The following COL24A1 variants were observed in gnomAD, a reference collection of about 807,000 sequenced individuals.
COL24A1 encodes collagen alpha-1(XXIV) chain.
Under a neutral mutation model 253.9 loss-of-function variants are expected in COL24A1, and 224 were observed. That is an observed-to-expected ratio of 0.88 (90% CI 0.79 to 0.99). The LOEUF (loss-of-function observed/expected upper bound fraction) is 0.99, where lower values mean the gene tolerates loss of function less well. COL24A1 is among the 50% of genes least tolerant of loss of function. The probability of loss-of-function intolerance (pLI) is 0.00; values close to 1 mark genes in which losing one functional copy is unlikely to be tolerated. For missense variants in COL24A1, 2,131 were observed against 2,068.5 expected (o/e 1.03, Z -0.59); for synonymous variants, 685 against 673.7 (o/e 1.02, Z -0.26).
At chr1:85,987,366 CA>C (rs1253753692) in intron 20 of COL24A1, among the ~76,000 whole-genome samples, 1 of 151,538 alleles carries the variant, frequency 6.6e-6, no homozygotes, top group Non-Finnish European at 1.5e-5. Context: ...TCATCTCTTC[CA>C]AAAAAATCCT....
rs1648148642 is a variant in COL24A1, at chr1:86,125,618, G to C, written c.718C>G (p.Gln240Glu). Residue 240 changes from glutamine (Q) to glutamate (E), a missense_variant, in exon 3 of 60, where the codon CAG becomes GAG. Transcript: ENST00000370571. The stretch of plus-strand genomic sequence containing the variant: ...TATTTGTCTGCTTGGCGACACTGCT[G>C]TTTCACATATCTGCAGTAGTCTGCA... The part of the protein sequence containing the change: ...ASADYCRYVK[Q>E]QCRQADKYQP... 2 of 1,613,088 alleles carry C rather than the reference G, an allele frequency of 1.2e-6. No homozygotes were observed. The highest frequency in any genetic ancestry group is 1.7e-6 in the Non-Finnish European group (2 of 1,179,586).
intron 2 of COL24A1, among the ~76,000 whole-genome samples, chr1:86,144,589 A>G (rs1651615907): frequency 6.6e-6 from 1 of 152,132 alleles, no homozygotes; most frequent in Admixed American, 6.5e-5. Flanking sequence ...TACCAGCAAA[A>G]GAGATGATAC....
chr1:86,064,253 A>C (rs1324799838), intron 7 of COL24A1, among the ~76,000 whole-genome samples: 1 of 152,186 alleles, frequency 6.6e-6, no homozygotes, highest in East Asian at 1.9e-4. Flanking sequence ...AGGTAACTCA[A>C]AAAATCATGA....
At chr1:86,047,866 T>A (rs923572307) in intron 11 of COL24A1, among the ~76,000 whole-genome samples, 4 of 152,124 alleles carry the variant, frequency 2.6e-5, no homozygotes, top group Non-Finnish European at 4.4e-5. Flanking sequence ...ATTTGCAGAC[T>A]AAGCAGTCTG....
At chr1:86,098,048 T>C (rs1307728683) in intron 5 of COL24A1, among the ~76,000 whole-genome samples, 1 of 152,152 alleles carries the variant, frequency 6.6e-6, no homozygotes, top group East Asian at 1.9e-4. Flanking sequence ...TATGTGAGTA[T>C]ACAGGAGAGC....
At chr1:85,755,923 T>TAA (rs1558002061) in intron 55 of COL24A1, among the ~76,000 whole-genome samples, 46 of 54,714 alleles carry the variant, frequency 8.4e-4, no homozygotes, top group Middle Eastern at 7.0e-3. Context: ...AAAAAAAACT[T>TAA]CTGTGCATCA....
intron 28 of COL24A1, among the ~76,000 whole-genome samples, chr1:85,901,824 CAAAAAAAAA>C (rs55862441): frequency 0.024 from 1,404 of 57,872 alleles, 43 homozygotes; most frequent in African/African-American, 0.091. Context: ...GACTCCGTCT[CAAAAAAAAA>C]AAAAAAAAAA....
intron 24 of COL24A1, among the ~76,000 whole-genome samples, chr1:85,944,259 AT>A (rs1204278106): frequency 6.6e-6 from 1 of 152,130 alleles, no homozygotes; most frequent in Non-Finnish European, 1.5e-5. Flanking sequence ...GTTTTTATAT[AT>A]TTCACTTTTT....
intron 43 of COL24A1, among the ~76,000 whole-genome samples, chr1:85,829,607 A>G (rs1674903422): frequency 6.6e-6 from 1 of 151,900 alleles, no homozygotes; most frequent in South Asian, 2.1e-4. Context: ...TATTTCTTGG[A>G]GGCTTTGCTC....
At chr1:86,064,723 C>G (rs1011915179) in intron 7 of COL24A1, among the ~76,000 whole-genome samples, 6 of 152,168 alleles carry the variant, frequency 3.9e-5, no homozygotes, top group African/African-American at 1.4e-4. Flanking sequence ...AAGAATTACT[C>G]AGTATTAATC....
chr1:85,802,310 A>G (rs1236652241), intron 47 of COL24A1, among the ~76,000 whole-genome samples: 1 of 152,170 alleles, frequency 6.6e-6, no homozygotes, highest in Non-Finnish European at 1.5e-5. Context: ...CCTCAACAGC[A>G]TCAAACCATA....
intron 51 of COL24A1, among the ~76,000 whole-genome samples, chr1:85,782,633 G>T (rs1201026715): frequency 6.6e-6 from 1 of 152,182 alleles, no homozygotes; most frequent in Non-Finnish European, 1.5e-5. Context: ...ACAATTTATT[G>T]TAAGAGTTAG....
At chr1:85,738,800 A>C (rs1373500177) in intron 57 of COL24A1, among the ~76,000 whole-genome samples, 1 of 152,106 alleles carries the variant, frequency 6.6e-6, no homozygotes, top group Non-Finnish European at 1.5e-5. Context: ...CTACTATTCT[A>C]CTAATCCCTC....
intron 43 of COL24A1, among the ~76,000 whole-genome samples, chr1:85,824,660 A>C (rs1376881558): frequency 6.6e-6 from 1 of 152,118 alleles, no homozygotes; most frequent in African/African-American, 2.4e-5. Context: ...AGGAATGCTG[A>C]CCTACCACAT....
chr1:85,888,505 C>G (rs954744310), intron 32 of COL24A1, among the ~76,000 whole-genome samples: 2 of 151,990 alleles, frequency 1.3e-5, no homozygotes, highest in African/African-American at 4.8e-5. Flanking sequence ...TCTCTGATTT[C>G]AAGCAGTGTA....
chr1:86,088,778 A>T (rs747670440), intron 7 of COL24A1, among the ~76,000 whole-genome samples: 1 of 152,224 alleles, frequency 6.6e-6, no homozygotes, highest in African/African-American at 2.4e-5. Flanking sequence ...CTTTGGGCAT[A>T]TAAAAGTCAT....
intron 2 of COL24A1, among the ~76,000 whole-genome samples, chr1:86,144,738 T>C (rs1364519321): frequency 6.6e-6 from 1 of 152,058 alleles, no homozygotes; most frequent in Non-Finnish European, 1.5e-5. Flanking sequence ...TCATTAAGCT[T>C]TTACTTGGAG....
At chr1:86,054,022 G>A (rs1283423098) in intron 10 of COL24A1, among the ~76,000 whole-genome samples, 5 of 151,956 alleles carry the variant, frequency 3.3e-5, no homozygotes, top group Non-Finnish European at 4.4e-5. Flanking sequence ...CGACAAAGTC[G>A]GCAAAAATAA....
chr1:86,076,447 T>C (rs1702251647), intron 7 of COL24A1, among the ~76,000 whole-genome samples: 1 of 152,144 alleles, frequency 6.6e-6, no homozygotes, highest in Non-Finnish European at 1.5e-5. Context: ...ATCAATATCA[T>C]GAAAATGGCC....
Sources: allele counts gnomAD v4.1 joint callset (sites outside exome capture counted in the v4.1 genomes callset), GRCh38; gene constraint gnomAD v4.1.1; transcripts MANE v1.5; gene names NCBI Gene and HGNC (gene_info 2026-07-23, HGNC 2026-07-21).